Variants in DOCK2 observed in about 807,000 individuals in gnomAD.
DOCK2 encodes the protein dedicator of cytokinesis protein 2.
In DOCK2, 87 loss-of-function variants were observed where a neutral mutation model predicts 248.9. The observed-to-expected ratio is 0.35, with a 90% CI of 0.29 to 0.42. The LOEUF (loss-of-function observed/expected upper bound fraction) is 0.42, where lower values mean the gene tolerates loss of function less well. Ranked by LOEUF, DOCK2 falls within the 10% of genes least tolerant of loss-of-function variation. DOCK2 has a pLI of 1.00. For synonymous variants in DOCK2, 805 were observed against 821.6 expected (o/e 0.98, Z 0.35); for missense variants, 1,747 against 2,300.2 (o/e 0.76, Z 4.92).
At chr5:169,703,436 G>A (rs73316298) in intron 14 of DOCK2, among the ~76,000 whole-genome samples, 3,431 of 152,140 alleles carry the variant, frequency 0.023, 125 homozygotes, top group East Asian at 0.078. Context: ...ACAGTAACTC[G>A]CCCAAAGCCA....
intron 24 of DOCK2, 189 bp from the exon 25 acceptor site, chr5:169,761,330 T>C: frequency 1.7e-6 from 1 of 573,444 alleles, no homozygotes; most frequent in Non-Finnish European, 3.1e-6. Flanking sequence ...TACGTCTCTT[T>C]TAATGCTACT....
At chr5:169,659,636 A>G (rs186093901) in intron 2 of DOCK2, among the ~76,000 whole-genome samples, 6 of 152,322 alleles carry the variant, frequency 3.9e-5, no homozygotes, top group Non-Finnish European at 7.3e-5. Flanking sequence ...TTGTTATGAT[A>G]AAAACTCACA....
chr5:169,728,680 G>C (rs1470667033), intron 22 of DOCK2, among the ~76,000 whole-genome samples: 1 of 152,162 alleles, frequency 6.6e-6, no homozygotes, highest in Non-Finnish European at 1.5e-5. Context: ...GGCCATCAGA[G>C]CAAGGGGTCA....
At chr5:169,753,356 A>T in intron 23 of DOCK2, among the ~76,000 whole-genome samples, 2 of 140,102 alleles carry the variant, frequency 1.4e-5, no homozygotes, top group Non-Finnish European at 3.1e-5. Context: ...CCCTGCCCTC[A>T]CCCCCCCCCA....
At chr5:169,679,151 C>T (rs1003089008) in intron 6 of DOCK2, among the ~76,000 whole-genome samples, 1 of 152,154 alleles carries the variant, frequency 6.6e-6, no homozygotes, top group Non-Finnish European at 1.5e-5. Context: ...GTGATCCTCC[C>T]ACCTCAGCCT....
At chr5:169,879,192 C>T (rs1263229526) in intron 27 of DOCK2, among the ~76,000 whole-genome samples, 2 of 152,280 alleles carry the variant, frequency 1.3e-5, no homozygotes, top group South Asian at 2.1e-4. Context: ...ATCCATCATG[C>T]GCTGGATCAT....
chr5:169,794,497 T>C (rs1328694418), intron 25 of DOCK2, among the ~76,000 whole-genome samples: 1 of 152,214 alleles, frequency 6.6e-6, no homozygotes, highest in Non-Finnish European at 1.5e-5. Flanking sequence ...TGTGTATGCA[T>C]ATATATGTAT....
intron 25 of DOCK2, among the ~76,000 whole-genome samples, chr5:169,766,541 A>C (rs1359895027): frequency 1.3e-5 from 2 of 152,198 alleles, no homozygotes; most frequent in Non-Finnish European, 2.9e-5. Flanking sequence ...ATACACAGGC[A>C]TATGTTTATG....
intron 27 of DOCK2, among the ~76,000 whole-genome samples, chr5:169,879,893 G>A (rs1581346480): frequency 6.6e-6 from 1 of 152,072 alleles, no homozygotes; most frequent in African/African-American, 2.4e-5. Context: ...TCATTTTAAG[G>A]TAACAGAAAA....
intron 34 of DOCK2, among the ~76,000 whole-genome samples, chr5:170,029,318 G>A (rs527628345): frequency 1.1e-4 from 17 of 152,248 alleles, no homozygotes; most frequent in Admixed American, 2.6e-4. Context: ...TTGCATTTCC[G>A]CGATGTGTAG....
intron 27 of DOCK2, 27 bp from the exon 28 acceptor site, chr5:169,983,041 T>G: frequency 1.2e-6 from 2 of 1,611,964 alleles, no homozygotes; most frequent in Non-Finnish European, 1.7e-6. Flanking sequence ...CTCAACTATT[T>G]ATAGTATTTG....
At chr5:169,987,260 G>C (rs990376643) in intron 29 of DOCK2, among the ~76,000 whole-genome samples, 14 of 152,138 alleles carry the variant, frequency 9.2e-5, no homozygotes, top group Admixed American at 5.2e-4. Flanking sequence ...AAAATCCTGA[G>C]GCCACTCTTC....
chr5:170,044,026 T>G (rs1307613799), intron 38 of DOCK2, among the ~76,000 whole-genome samples: 1 of 152,212 alleles, frequency 6.6e-6, no homozygotes, highest in Non-Finnish European at 1.5e-5. Flanking sequence ...AGGGAGCAGA[T>G]GGGTACAGCT....
intron 27 of DOCK2, among the ~76,000 whole-genome samples, chr5:169,973,942 C>G (rs532749758): frequency 1.3e-5 from 2 of 152,160 alleles, no homozygotes; most frequent in African/African-American, 2.4e-5. Flanking sequence ...TATATAGGCA[C>G]AAGAGATGTC....
chr5:169,976,085 A>G (rs1183997588), intron 27 of DOCK2, among the ~76,000 whole-genome samples: 1 of 152,198 alleles, frequency 6.6e-6, no homozygotes, highest in Non-Finnish European at 1.5e-5. Context: ...TCCCTATAAC[A>G]TTCTTTTGGA....
chr5:170,066,800 C>G (rs1706272394), intron 44 of DOCK2, among the ~76,000 whole-genome samples: 1 of 152,206 alleles, frequency 6.6e-6, no homozygotes, highest in Non-Finnish European at 1.5e-5. Flanking sequence ...TACATACTGC[C>G]TGTAGGTGCT....
chr5:170,039,763 A>G (rs904551749), intron 36 of DOCK2, among the ~76,000 whole-genome samples: 7 of 152,198 alleles, frequency 4.6e-5, no homozygotes, highest in African/African-American at 1.7e-4. Flanking sequence ...ACACGCATTG[A>G]GTGGAGATAC....
At chr5:169,817,856 G>A (rs1056421038) in intron 26 of DOCK2, among the ~76,000 whole-genome samples, 5 of 152,340 alleles carry the variant, frequency 3.3e-5, no homozygotes, top group South Asian at 2.1e-4. Flanking sequence ...ATTAATGTCC[G>A]TGGTTTGACT....
chr5:169,766,180 G>A (rs1034732969), intron 25 of DOCK2, among the ~76,000 whole-genome samples: 6 of 151,884 alleles, frequency 4.0e-5, no homozygotes, highest in East Asian at 3.9e-4. Flanking sequence ...CAGGTAATAC[G>A]CATAGACCTG....
Sources: gnomAD v4.1 joint callset for allele counts (sites outside exome capture counted in the v4.1 genomes callset) on GRCh38, gnomAD v4.1.1 for gene constraint, MANE v1.5 for transcripts, NCBI Gene and HGNC (gene_info 2026-07-23, HGNC 2026-07-21) for gene names.